The following VGLL3 variants were observed in gnomAD, a reference collection of about 807,000 sequenced individuals.
The protein encoded by VGLL3 is transcription cofactor vestigial-like protein 3.
VGLL3 carries 18 observed loss-of-function variants against 29.2 expected under a neutral mutation model. The observed-to-expected ratio is 0.62, with a 90% confidence interval of 0.43 to 0.91. VGLL3 has a LOEUF of 0.91. Ranked by LOEUF, VGLL3 falls within the 40% of genes least tolerant of loss-of-function variation. The pLI is 0.00. For synonymous variants in VGLL3, 180 were observed against 151.8 expected (o/e 1.19, Z -1.36); for missense variants, 440 against 413.2 (o/e 1.06, Z -0.56).
At chr3:86,954,542 T>C (rs1180659509) in intron 3 of VGLL3, among the ~76,000 whole-genome samples, 1 of 152,188 alleles carries the variant, frequency 6.6e-6, no homozygotes, top group East Asian at 1.9e-4. Flanking sequence ...CATCAGGATA[T>C]AAAGTTACAA....
chr3:86,972,301 A>G lies in VGLL3; in HGVS notation c.404-3178T>C, dbSNP rs114721045. Among the ~76,000 whole-genome samples, 294 of 152,320 alleles carry G rather than the reference A, an allele frequency of 1.9e-3. 1 individual carries two copies. The highest frequency in any genetic ancestry group is 6.6e-3 in the African/African-American group (276 of 41,568). On this transcript the variant is annotated intron_variant, in intron 2 of 3. Coordinates refer to ENST00000398399, the MANE Select transcript of VGLL3 (RefSeq NM_016206.4). The stretch of plus-strand genomic sequence containing the variant: ...TTTTAAAATGCTCCAGGGAAAAATA[A>G]AATTAAAAGGAACTTAATATTTTCC...
chr3:86,961,827 G>T, intron 3 of VGLL3: 2 of 663,196 alleles, frequency 3.0e-6, no homozygotes, highest in Non-Finnish European at 3.7e-6. Flanking sequence ...AAGTGACAAA[G>T]CTAAATGAGA....
rs912868210 is a variant in VGLL3 at position 86,946,130 on chromosome 3, T to C, written c.*894A>G. 6.6e-6 allele frequency: 1 copy of C among 152,168 alleles called. No homozygotes were observed. The highest frequency in any genetic ancestry group is 1.5e-5 in the Non-Finnish European group (1 of 68,006). The allele number at this position is 152,168 out of a possible 1,614,324, so 9.4% of individuals were successfully genotyped here. A position where few individuals can be genotyped will look rare whatever the true frequency, so the allele number is the denominator to read the frequency against. On this transcript the variant is annotated 3_prime_UTR_variant, in exon 4 of 4. Transcript: ENST00000398399. ...TGTATATAACCTCTGGTTCCATTTA[T>C]CAAATTTGGATGGGCTAGAAAGAGA...
Position 86,987,245 on chromosome 3 carries a change from C to T in VGLL3, c.126+3373G>A, listed in dbSNP as rs139967441. 7.1e-4 allele frequency among the ~76,000 whole-genome samples: 108 copies of T among 152,198 alleles called. 1 individual carries two copies. Among genetic ancestry groups the T allele is most frequent in the African/African-American group, 2.4e-3 (101 of 41,526 alleles). ...CTTTTTTCTCTGACAAACCGAATTGCAGAACAATTTTATGACTCAACCAAC... is the reference window on the plus strand; with the variant it reads ...CTTTTTTCTCTGACAAACCGAATTGTAGAACAATTTTATGACTCAACCAAC... On this transcript the variant is annotated intron_variant, in intron 1 of 3. Transcript: ENST00000398399.
intron 2 of VGLL3, among the ~76,000 whole-genome samples, chr3:86,971,278 T>G (rs1034842417): frequency 2.0e-5 from 3 of 152,204 alleles, no homozygotes; most frequent in African/African-American, 7.2e-5. Context: ...TACTGTGGTG[T>G]GTGAACATTT....
At chr3:86,948,605 G>A (rs989156633) in intron 3 of VGLL3, among the ~76,000 whole-genome samples, 4 of 151,956 alleles carry the variant, frequency 2.6e-5, no homozygotes, top group African/African-American at 9.7e-5. Context: ...TTTTAAAAAA[G>A]CAGCATCTCA....
chr3:86,958,881 T>C (rs1050058290), intron 3 of VGLL3, among the ~76,000 whole-genome samples: 11 of 152,204 alleles, frequency 7.2e-5, no homozygotes, highest in Non-Finnish European at 1.6e-4. Context: ...ACTCTGATGT[T>C]TTTTTCCTCA....
At chr3:86,981,569 T>C (rs1470378940) in intron 1 of VGLL3, among the ~76,000 whole-genome samples, 1 of 151,914 alleles carries the variant, frequency 6.6e-6, no homozygotes, top group African/African-American at 2.4e-5. Flanking sequence ...ATATATATGG[T>C]TCTTTAAAAT....
At position 86,990,815 on chromosome 3, in the gene VGLL3, CG is replaced by C. The variant is rs1705570423; in HGVS notation, c.-73del. 8.3e-7 allele frequency: 1 copy of C among 1,205,894 alleles called. No homozygotes were observed. Among genetic ancestry groups the C allele is most frequent in the Non-Finnish European group, 1.0e-6 (1 of 964,782 alleles). 74.7% of individuals were successfully genotyped at this position (1,205,894 alleles called of 1,614,324 possible). On this transcript the variant is annotated 5_prime_UTR_variant, in exon 1 of 4. Coordinates refer to ENST00000398399, the MANE Select transcript of VGLL3 (RefSeq NM_016206.4). ...GCGCTGGCGCGAGGGGCGCGGGCGC[CG>C]CCGCCGCCGCAGCTGCCGCCTCTGT...
rs2106942390 is a variant in VGLL3 at position 86,941,081 on chromosome 3, T to C, written c.*5943A>G. 1 of 152,474 alleles carries C rather than the reference T, an allele frequency of 6.6e-6. No individual in the cohort carries two copies. The highest frequency in any genetic ancestry group is 1.5e-5 in the Non-Finnish European group (1 of 67,866). 9.4% of individuals were successfully genotyped at this position (152,474 alleles called of 1,614,324 possible). ...ACAAAAGCATTTCACCTTACCTAGA[T>C]TTATATAATAAAAACAAATTGTATC... is the stretch of plus-strand genomic sequence containing the variant. On this transcript the variant is annotated 3_prime_UTR_variant, in exon 4 of 4. Coordinates refer to ENST00000398399, the MANE Select transcript of VGLL3 (RefSeq NM_016206.4).
rs767264996 is a variant in VGLL3 at position 86,968,890 on chromosome 3, A to G, written c.637T>C (p.Ser213Pro). The G allele has an allele frequency of 5.0e-6, 8 of 1,614,086 alleles. No individual in the cohort carries two copies. The South Asian group carries it at 7.7e-5, about 16-fold the overall frequency. ...VSESWPYPLT[S>P]QVSPSYSHMH... ...TGGCTGTAGGATGGGCTCACCTGAG[A>G]TGTCAAAGGATAAGGCCAGGACTCA... The change falls in exon 3 of 4, where the codon TCT (serine) becomes CCT (proline). Residue 213 changes from serine (S) to proline (P), a missense_variant. By Grantham distance (74) the Ser-to-Pro change is moderately conservative. Coordinates refer to ENST00000398399, the MANE Select transcript of VGLL3 (RefSeq NM_016206.4).
chr3:86,950,195 G>A (rs934698715), intron 3 of VGLL3, among the ~76,000 whole-genome samples: 9 of 151,966 alleles, frequency 5.9e-5, no homozygotes, highest in South Asian at 4.1e-4. Context: ...CTTTATAGTA[G>A]CCATTTTCTT....
rs1022242398 is a variant in VGLL3, at chr3:86,940,470, A to T, written c.*6554T>A. On this transcript the variant is annotated 3_prime_UTR_variant, in exon 4 of 4. Coordinates refer to ENST00000398399, the MANE Select transcript of VGLL3 (RefSeq NM_016206.4). ...ATCTATTCCTTGCTGTAACATATAG[A>T]CTTCTTGGCCCTAGAAATTAACTTC... 2 of 152,588 alleles carry T rather than the reference A, an allele frequency of 1.3e-5. No individual in the cohort carries two copies. Among genetic ancestry groups the T allele is most frequent in the African/African-American group, 2.4e-5 (1 of 41,450 alleles). The allele number at this position is 152,588 out of a possible 1,614,324, so 9.5% of individuals were successfully genotyped here.
chr3:86,990,224 T>C, intron 1 of VGLL3: 1 of 856,552 alleles, frequency 1.2e-6, no homozygotes, highest in Non-Finnish European at 1.4e-6. Context: ...CACTTCATCT[T>C]CCTCATCAAT....
intron 2 of VGLL3, among the ~76,000 whole-genome samples, chr3:86,972,933 T>C (rs943070345): frequency 6.6e-6 from 1 of 152,154 alleles, no homozygotes; most frequent in Admixed American, 6.5e-5. Flanking sequence ...TATTGATACA[T>C]TGTCTAATAA....
rs1191901406 is a variant in VGLL3, at chr3:86,978,567, G to T, written c.362C>A (p.Ala121Asp). 3 of 1,614,068 alleles carry T rather than the reference G, an allele frequency of 1.9e-6. No homozygotes were observed. The Admixed American group carries it at 5.0e-5, about 27-fold the overall frequency. Residue 121 changes from alanine to aspartate, a missense_variant, in exon 2 of 4, where the codon GCC (alanine) becomes GAC (aspartate). Coordinates refer to ENST00000398399, the MANE Select transcript of VGLL3 (RefSeq NM_016206.4). ...GQAITLHPESAISKSKMGLTP... is the reference protein window; with the variant it reads ...GQAITLHPESDISKSKMGLTP... ...TAGCCCCATCTTGCTTTTTGAAATGGCAGATTCTGGATGGAGGGTGATGGC... is the reference window on the plus strand; with the variant it reads ...TAGCCCCATCTTGCTTTTTGAAATGTCAGATTCTGGATGGAGGGTGATGGC...
At chr3:86,975,136 A>C (rs1705181767) in intron 2 of VGLL3, among the ~76,000 whole-genome samples, 1 of 152,250 alleles carries the variant, frequency 6.6e-6, no homozygotes, top group African/African-American at 2.4e-5. Flanking sequence ...ATCCAAGATC[A>C]CATTGCAACC....
At chr3:86,956,920 G>T (rs542353289) in intron 3 of VGLL3, among the ~76,000 whole-genome samples, 11 of 151,644 alleles carry the variant, frequency 7.3e-5, no homozygotes, top group African/African-American at 2.7e-4. Context: ...AAGATTAAAA[G>T]AAACTGATTA....
intron 1 of VGLL3, among the ~76,000 whole-genome samples, chr3:86,979,684 C>T (rs934422163): frequency 6.6e-6 from 1 of 151,996 alleles, no homozygotes; most frequent in Admixed American, 6.6e-5. Flanking sequence ...AGCTAAAGCA[C>T]AGAAAAATTA....
Sources: gnomAD v4.1 joint callset for allele counts (sites outside exome capture counted in the v4.1 genomes callset) on GRCh38, gnomAD v4.1.1 for gene constraint, MANE v1.5 for transcripts, NCBI Gene and HGNC (gene_info 2026-07-23, HGNC 2026-07-21) for gene names.